Variants in PSD3 observed in about 807,000 individuals in gnomAD.
PSD3 encodes the protein PH and SEC7 domain-containing protein 3.
A neutral mutation model predicts 105.5 loss-of-function variants in PSD3; 49 were observed. The ratio of observed to expected loss-of-function variants is 0.46; its 90% CI spans 0.37 to 0.59. PSD3 has a LOEUF of 0.59. PSD3 is among the 20% of genes least tolerant of loss of function. The pLI is 0.00. For synonymous variants in PSD3, 557 were observed against 457.8 expected (o/e 1.22, Z -2.77); for missense variants, 1,561 against 1,263.8 (o/e 1.24, Z -3.57).
At chr8:18,735,076 G>A (rs534263717) in intron 9 of PSD3, among the ~76,000 whole-genome samples, 2 of 152,290 alleles carry the variant, frequency 1.3e-5, no homozygotes, top group Admixed American at 1.3e-4. Flanking sequence ...ATCAGAAACT[G>A]TTTACTAAAA....
intron 9 of PSD3, among the ~76,000 whole-genome samples, chr8:18,700,921 A>C (rs954085066): frequency 6.6e-6 from 1 of 152,230 alleles, no homozygotes; most frequent in Middle Eastern, 3.4e-3. Flanking sequence ...ATAATCTCCA[A>C]GGTCTTTGGA....
chr8:19,051,189 C>G (rs948459277), intron 1 of PSD3, among the ~76,000 whole-genome samples: 3 of 152,142 alleles, frequency 2.0e-5, no homozygotes, highest in Non-Finnish European at 4.4e-5. Context: ...GTCCAAGAGA[C>G]CCTCCTCCCT....
At chr8:18,981,833 T>A (rs913925972) in intron 1 of PSD3, among the ~76,000 whole-genome samples, 2 of 152,234 alleles carry the variant, frequency 1.3e-5, no homozygotes, top group East Asian at 1.9e-4. Context: ...TAAGTTGTAA[T>A]CTTTTTGCTG....
chr8:18,764,841 T>A (rs1409361127), intron 9 of PSD3, among the ~76,000 whole-genome samples: 3 of 152,224 alleles, frequency 2.0e-5, no homozygotes, highest in Admixed American at 6.5e-5. Context: ...TTATCATTAT[T>A]TTGTACTCAA....
At chr8:18,767,825 C>A (rs1455919776) in intron 8 of PSD3, among the ~76,000 whole-genome samples, 1 of 152,006 alleles carries the variant, frequency 6.6e-6, no homozygotes, top group East Asian at 1.9e-4. Flanking sequence ...TACTACTATG[C>A]ATAAATGTAT....
chr8:18,690,434 T>C (rs537675966), intron 9 of PSD3, among the ~76,000 whole-genome samples: 5 of 152,350 alleles, frequency 3.3e-5, no homozygotes, highest in Admixed American at 2.6e-4. Context: ...AACGTACTGC[T>C]TTATTTTTCC....
intron 2 of PSD3, among the ~76,000 whole-genome samples, chr8:18,883,305 T>C (rs746912388): frequency 2.0e-5 from 3 of 152,158 alleles, no homozygotes; most frequent in Non-Finnish European, 4.4e-5. Context: ...CAAATAGACA[T>C]CAACTAAAGT....
intron 1 of PSD3, among the ~76,000 whole-genome samples, chr8:18,951,426 A>G (rs1168335103): frequency 6.6e-6 from 1 of 152,094 alleles, no homozygotes; most frequent in Non-Finnish European, 1.5e-5. Flanking sequence ...CAAACCAAAA[A>G]GGACCACGGA....
upstream of PSD3, among the ~76,000 whole-genome samples, chr8:19,017,856 C>G (rs886659319): frequency 1.3e-5 from 2 of 152,194 alleles, no homozygotes; most frequent in African/African-American, 2.4e-5. Context: ...AGGAATAACA[C>G]TACTATAAAA....
intron 9 of PSD3, among the ~76,000 whole-genome samples, chr8:18,762,065 C>A (rs954334811): frequency 6.6e-5 from 10 of 152,096 alleles, no homozygotes; most frequent in African/African-American, 1.9e-4. Context: ...CTTCAAAAGG[C>A]CATCTGACAT....
chr8:18,869,691 A>T (rs1817200395), intron 3 of PSD3, among the ~76,000 whole-genome samples: 2 of 152,152 alleles, frequency 1.3e-5, no homozygotes, highest in East Asian at 3.9e-4. Flanking sequence ...TGTAATTTCC[A>T]TTTCCACAGA....
intron 4 of PSD3, among the ~76,000 whole-genome samples, chr8:18,843,916 T>C (rs949436902): frequency 2.1e-4 from 8 of 37,578 alleles, no homozygotes; most frequent in African/African-American, 7.3e-4. Flanking sequence ...AGATAGACTA[T>C]TTTTTTTTTT....
intron 2 of PSD3, among the ~76,000 whole-genome samples, chr8:18,933,295 A>G (rs1411046837): frequency 6.6e-6 from 1 of 152,186 alleles, no homozygotes; most frequent in Non-Finnish European, 1.5e-5. Context: ...AGTAAGGAAG[A>G]ACCAAACTCA....
At chr8:18,883,130 C>T (rs1212369005) in intron 2 of PSD3, among the ~76,000 whole-genome samples, 6 of 152,198 alleles carry the variant, frequency 3.9e-5, no homozygotes, top group South Asian at 2.1e-4. Context: ...TGGTTTCTAA[C>T]GAGAATCCCA....
At chr8:18,968,229 G>A (rs1177181505) in intron 1 of PSD3, among the ~76,000 whole-genome samples, 1 of 152,168 alleles carries the variant, frequency 6.6e-6, no homozygotes, top group African/African-American at 2.4e-5. Context: ...CAACATCTGA[G>A]ATTCTCCAAC....
intron 10 of PSD3, 43 bp from the exon 11 acceptor site, chr8:18,632,849 TA>T: frequency 7.1e-7 from 1 of 1,403,288 alleles, no homozygotes; most frequent in Non-Finnish European, 9.7e-7. Context: ...GCACCTATCA[TA>T]ATATTCAAAG....
chr8:18,901,872 A>C (rs1011872745), intron 2 of PSD3, among the ~76,000 whole-genome samples: 11 of 152,272 alleles, frequency 7.2e-5, no homozygotes, highest in Admixed American at 3.9e-4. Context: ...CCTAGCCTGT[A>C]AGGTTTCTGC....
At chr8:19,029,092 G>C (rs947504873) in intron 1 of PSD3, among the ~76,000 whole-genome samples, 2 of 152,136 alleles carry the variant, frequency 1.3e-5, no homozygotes, top group Non-Finnish European at 2.9e-5. Flanking sequence ...ATCAAGTAGT[G>C]TAAGTATTCT....
intron 10 of PSD3, among the ~76,000 whole-genome samples, chr8:18,634,531 C>G (rs1313735032): frequency 6.6e-6 from 1 of 151,382 alleles, no homozygotes; most frequent in South Asian, 2.1e-4. Flanking sequence ...CCATTTTTTT[C>G]TATTCTAGGA....
Sources: allele counts gnomAD v4.1 joint callset (sites outside exome capture counted in the v4.1 genomes callset), GRCh38; gene constraint gnomAD v4.1.1; transcripts MANE v1.5; gene names NCBI Gene and HGNC (gene_info 2026-07-23, HGNC 2026-07-21).